FER1L6: variants seen among roughly 807,000 people sequenced by gnomAD.
The protein encoded by FER1L6 is fer-1 like family member 6, also known as fer-1-like protein 6.
In FER1L6, 177 loss-of-function variants were observed where a neutral mutation model predicts 219.2. The observed-to-expected ratio is 0.81, with a 90% CI of 0.71 to 0.91. FER1L6 has a LOEUF of 0.91. Ranked by LOEUF, FER1L6 falls within the 40% of genes least tolerant of loss-of-function variation. The pLI, the probability that FER1L6 is intolerant of heterozygous loss-of-function variation, is 0.00. For synonymous variants in FER1L6, 768 were observed against 824.3 expected, an observed-to-expected ratio of 0.93 and a Z score of 1.17; for missense variants, 2,153 against 2,259.9, an observed-to-expected ratio of 0.95 and a Z score of 0.96.
intron 1 of FER1L6, among the ~76,000 whole-genome samples, chr8:123,904,766 G>T (rs1398256442): frequency 6.6e-6 from 1 of 152,192 alleles, no homozygotes; most frequent in Non-Finnish European, 1.5e-5. Context: ...ATAAGATAAA[G>T]TGTTTGAACT....
rs934844680 is a variant in FER1L6, at chr8:124,060,573, TGAA to T, written c.3016_3018del (p.Lys1006del). ...GTTCTCTTCTGGGGAGTTCGGGAAA[TGAA>T]GAAGGTGCAGCTCCTCTCTGTGGAT... On this transcript the variant is annotated inframe_deletion, in exon 24 of 41. Transcript: ENST00000522917. 1.2e-6 allele frequency: 2 copies of T among 1,613,758 alleles called. No individual in the cohort carries two copies. Among genetic ancestry groups the T allele is most frequent in the African/African-American group, 1.3e-5 (1 of 74,830 alleles).
At chr8:123,869,991 A>G (rs1280019452) in intron 1 of FER1L6, among the ~76,000 whole-genome samples, 2 of 152,230 alleles carry the variant, frequency 1.3e-5, no homozygotes, top group Admixed American at 6.5e-5. Context: ...GTTGGGCAAA[A>G]CATCTACACA....
chr8:124,056,185 T>C (rs1250671502), intron 22 of FER1L6, among the ~76,000 whole-genome samples: 1 of 152,212 alleles, frequency 6.6e-6, no homozygotes, highest in Admixed American at 6.5e-5. Flanking sequence ...AGGATTAGGA[T>C]ATGAACATCT....
chr8:123,966,420 C>A, intron 5 of FER1L6, 130 bp downstream of exon 5: 1 of 1,140,544 alleles, frequency 8.8e-7, no homozygotes, highest in South Asian at 1.6e-5. Context: ...AAGCCCATGG[C>A]AAACTGATTC....
chr8:123,881,936 T>C (rs917964226), intron 1 of FER1L6, among the ~76,000 whole-genome samples: 17 of 152,196 alleles, frequency 1.1e-4, no homozygotes, highest in African/African-American at 4.1e-4. Context: ...TAATCCACCA[T>C]TTCTTTCACT....
Position 123,966,167 on chromosome 8 carries a change from A to G in FER1L6, c.261A>G (p.Ile87Met). The G allele has an allele frequency of 1.9e-6, 3 of 1,614,012 alleles. 1 individual carries two copies. Among genetic ancestry groups the G allele is most frequent in the South Asian group, 2.2e-5 (2 of 91,050 alleles). The change falls in exon 5 of 41, where the codon ATA becomes ATG. Residue 87 changes from isoleucine to methionine, a missense_variant. Physicochemically the swap from Ile to Met is conservative, Grantham distance 10. Transcript: ENST00000522917. ...EVRSQNYQIA[I>M]TITEARQLVG... ...ACTGCTTTGTGTTGCAGATTGCCAT[A>G]ACCATCACCGAGGCTCGCCAGCTGG... is the stretch of plus-strand genomic sequence containing the variant.
chr8:123,872,790 C>T (rs1237740683), intron 1 of FER1L6, among the ~76,000 whole-genome samples: 1 of 152,208 alleles, frequency 6.6e-6, no homozygotes, highest in African/African-American at 2.4e-5. Flanking sequence ...TTACCAACTC[C>T]TTGACATGTG....
At chr8:123,936,473 T>G (rs868521238) in intron 1 of FER1L6, among the ~76,000 whole-genome samples, 73 of 129,646 alleles carry the variant, frequency 5.6e-4, no homozygotes, top group African/African-American at 1.8e-3. Flanking sequence ...TTTTTTTTTT[T>G]TTTTTTTTTT....
chr8:124,060,693 C>A lies in FER1L6; in HGVS notation c.3131C>A (p.Ala1044Glu), dbSNP rs1820528540. The A allele has an allele frequency of 2.5e-6, 4 of 1,613,858 alleles. No individual in the cohort carries two copies. The highest frequency in any genetic ancestry group is 1.7e-5 in the Admixed American group (1 of 60,004). Residue 1044 changes from alanine (A) to glutamate (E), a missense_variant, in exon 24 of 41, where the codon GCA becomes GAA. Ala to Glu is a moderately radical substitution (Grantham distance 107). Transcript: ENST00000522917. Reference protein sequence around the residue: ...YKNNPNFSIQADAFEVELPEN... With the variant: ...YKNNPNFSIQEDAFEVELPEN... The stretch of plus-strand genomic sequence containing the variant: ...AACAACCCGAACTTCAGCATCCAGG[C>A]AGACGCTTTCGAAGTGGTGCGAGCT...
chr8:124,026,104 C>T (rs983555230), intron 18 of FER1L6, among the ~76,000 whole-genome samples: 1 of 152,116 alleles, frequency 6.6e-6, no homozygotes, highest in African/African-American at 2.4e-5. Context: ...AGACATGTAT[C>T]TCTGGACAGA....
chr8:123,997,968 GA>G (rs1315424828), intron 12 of FER1L6, among the ~76,000 whole-genome samples: 1 of 152,130 alleles, frequency 6.6e-6, no homozygotes, highest in Non-Finnish European at 1.5e-5. Flanking sequence ...TGATTTCTCT[GA>G]AAGCTCACAT....
rs372476376 is a variant in FER1L6 at position 124,061,992 on chromosome 8, T to C, written c.3288T>C (p.Leu1096=). Residue 1096 remains leucine, a synonymous_variant, in exon 25 of 41, where the codon CTT becomes CTC. Coordinates refer to ENST00000522917, the MANE Select transcript of FER1L6 (RefSeq NM_001039112.2). ...TTTTGTGTAAACTCAGAGAGCCCCT[T>C]GCCCCCATCACACAGGTGGATGGAA... ...KQFLCKLREP[L]APITQVDGTQ... is the part of the protein sequence containing the mutation. 5.6e-6 allele frequency: 9 copies of C among 1,614,052 alleles called. No individual in the cohort carries two copies. Among genetic ancestry groups the C allele is most frequent in the Admixed American group, 1.7e-5 (1 of 60,010 alleles).
chr8:124,113,344 T>C (rs899354549), intron 39 of FER1L6, among the ~76,000 whole-genome samples: 2 of 152,198 alleles, frequency 1.3e-5, no homozygotes, highest in African/African-American at 4.8e-5. Flanking sequence ...TATTTGAGTA[T>C]TTGTATGTAT....
chr8:124,018,655 A>G (rs187780938), intron 16 of FER1L6, among the ~76,000 whole-genome samples: 5 of 152,164 alleles, frequency 3.3e-5, no homozygotes, highest in Non-Finnish European at 7.4e-5. Context: ...TGGCCTGATT[A>G]TTTCAATATC....
intron 6 of FER1L6, 87 bp from the exon 7 acceptor site, chr8:123,973,347 C>T: frequency 9.3e-7 from 1 of 1,078,244 alleles, no homozygotes; most frequent in East Asian, 2.4e-5. Context: ...CTCCACTGTG[C>T]TCCAGACAGG....
At position 123,978,380 on chromosome 8, in the gene FER1L6, G is replaced by A. The variant is rs546816874; in HGVS notation, c.1063+771G>A. On this transcript the variant is annotated intron_variant, in intron 10 of 40. Coordinates refer to ENST00000522917, the MANE Select transcript of FER1L6 (RefSeq NM_001039112.2). ...GGTGCACTGACTGTGCACACTTTGA[G>A]CCAGGGTGGGAGCTGAGAGCTGGTG... is the stretch of plus-strand genomic sequence containing the variant. Among the ~76,000 whole-genome samples, 15 of 152,266 alleles carry A rather than the reference G, an allele frequency of 9.9e-5. No homozygotes were observed. The East Asian group carries it at 2.9e-3, about 29-fold the overall frequency.
intron 1 of FER1L6, among the ~76,000 whole-genome samples, chr8:123,932,052 T>C (rs1303428899): frequency 2.0e-5 from 3 of 152,340 alleles, no homozygotes; most frequent in Non-Finnish European, 4.4e-5. Flanking sequence ...CAACAGCTTC[T>C]ATTAGAGCTG....
intron 1 of FER1L6, among the ~76,000 whole-genome samples, chr8:123,882,564 C>T (rs1169363094): frequency 6.6e-6 from 1 of 152,126 alleles, no homozygotes; most frequent in Non-Finnish European, 1.5e-5. Context: ...GACAAGATGT[C>T]TTCACAGAGC....
chr8:124,005,459 G>T (rs1186075703), intron 13 of FER1L6, among the ~76,000 whole-genome samples: 1 of 152,140 alleles, frequency 6.6e-6, no homozygotes, highest in Non-Finnish European at 1.5e-5. Flanking sequence ...CTTACGCCTG[G>T]CAATAATCTC....
Sources: allele counts gnomAD v4.1 joint callset (sites outside exome capture counted in the v4.1 genomes callset), GRCh38; gene constraint gnomAD v4.1.1; transcripts MANE v1.5; gene names NCBI Gene and HGNC (gene_info 2026-07-23, HGNC 2026-07-21).